DLG2: variants seen among roughly 807,000 people sequenced by gnomAD.
DLG2 encodes the protein discs large MAGUK scaffold protein 2.
DLG2 carries 45 observed loss-of-function variants against 132.5 expected under a neutral mutation model. That is an observed-to-expected ratio of 0.34 (90% CI 0.27 to 0.44). DLG2 has a LOEUF of 0.44. Ranked by LOEUF, DLG2 falls within the 20% of genes least tolerant of loss-of-function variation. The pLI is 1.00. For missense variants in DLG2, 1,045 were observed against 1,196.9 expected (o/e 0.87, Z 1.87); for synonymous variants, 424 against 419.6 (o/e 1.01, Z -0.13).
chr11:84,803,508 A>C (rs2075658711), intron 6 of DLG2, among the ~76,000 whole-genome samples: 1 of 152,214 alleles, frequency 6.6e-6, no homozygotes, highest in South Asian at 2.1e-4. Flanking sequence ...TGATAAGCAC[A>C]ATCCTCCACA....
intron 6 of DLG2, among the ~76,000 whole-genome samples, chr11:84,665,856 T>C (rs1443280979): frequency 1.3e-5 from 2 of 152,174 alleles, no homozygotes; most frequent in Non-Finnish European, 2.9e-5. Context: ...TAGTGACCCA[T>C]TCAATTTGTT....
At chr11:83,767,382 T>A (rs1415951916) in intron 18 of DLG2, among the ~76,000 whole-genome samples, 1 of 152,172 alleles carries the variant, frequency 6.6e-6, no homozygotes, top group Non-Finnish European at 1.5e-5. Flanking sequence ...TTCAATTAGG[T>A]CCTTGTTCTC....
chr11:85,545,781 G>A (rs1231102450), intron 3 of DLG2, among the ~76,000 whole-genome samples: 1 of 152,152 alleles, frequency 6.6e-6, no homozygotes, highest in Non-Finnish European at 1.5e-5. Context: ...TTGCATAGAG[G>A]TGTTTATAGT....
chr11:83,731,445 T>C (rs1388758757), intron 18 of DLG2, among the ~76,000 whole-genome samples: 2 of 152,218 alleles, frequency 1.3e-5, no homozygotes, highest in African/African-American at 2.4e-5. Context: ...GCTTCATCCA[T>C]GTCCCTGCAA....
chr11:85,368,944 T>G (rs1247503633), intron 3 of DLG2, among the ~76,000 whole-genome samples: 6 of 152,204 alleles, frequency 3.9e-5, no homozygotes, highest in Admixed American at 3.9e-4. Context: ...GGAGGTACTC[T>G]GGATTTGCAA....
chr11:85,513,757 T>C (rs2094122846), intron 3 of DLG2, among the ~76,000 whole-genome samples: 1 of 151,968 alleles, frequency 6.6e-6, no homozygotes, highest in African/African-American at 2.4e-5. Context: ...GAAGTATCTT[T>C]TTGTTATTCA....
At chr11:85,361,349 T>C (rs2084140863) in intron 3 of DLG2, among the ~76,000 whole-genome samples, 1 of 151,862 alleles carries the variant, frequency 6.6e-6, no homozygotes, top group Non-Finnish European at 1.5e-5. Context: ...GGGGTACAAG[T>C]GCAGATTTCT....
intron 7 of DLG2, among the ~76,000 whole-genome samples, chr11:84,488,040 A>T (rs2099155388): frequency 1.3e-5 from 2 of 152,178 alleles, no homozygotes; most frequent in Non-Finnish European, 2.9e-5. Context: ...AGCTCAAGAC[A>T]TACTATCTTT....
At chr11:84,733,234 T>G (rs1227736179) in intron 6 of DLG2, among the ~76,000 whole-genome samples, 1 of 152,206 alleles carries the variant, frequency 6.6e-6, no homozygotes, top group Admixed American at 6.5e-5. Context: ...CCACAATGGT[T>G]GAACTAGTTT....
At chr11:85,010,095 G>A (rs2059021406) in intron 6 of DLG2, among the ~76,000 whole-genome samples, 1 of 152,056 alleles carries the variant, frequency 6.6e-6, no homozygotes, top group Admixed American at 6.5e-5. Flanking sequence ...AACCTTTGGA[G>A]GAACGGAGCC....
chr11:83,579,828 G>T (rs953972546), intron 19 of DLG2, among the ~76,000 whole-genome samples: 1 of 151,984 alleles, frequency 6.6e-6, no homozygotes, highest in Non-Finnish European at 1.5e-5. Flanking sequence ...AAATGAGCCA[G>T]GCATGGTGGC....
At chr11:84,909,670 T>C (rs1468451050) in intron 6 of DLG2, among the ~76,000 whole-genome samples, 1 of 152,212 alleles carries the variant, frequency 6.6e-6, no homozygotes, top group Non-Finnish European at 1.5e-5. Flanking sequence ...GTAGTGTCTA[T>C]CTATCCGAAT....
intron 6 of DLG2, among the ~76,000 whole-genome samples, chr11:84,810,306 G>A (rs1330914923): frequency 6.6e-6 from 1 of 152,100 alleles, no homozygotes; most frequent in Non-Finnish European, 1.5e-5. Context: ...GATAGGAAGA[G>A]ATATTTCACC....
At chr11:84,913,907 A>G (rs2092288748) in intron 6 of DLG2, among the ~76,000 whole-genome samples, 1 of 152,214 alleles carries the variant, frequency 6.6e-6, no homozygotes, top group South Asian at 2.1e-4. Flanking sequence ...ACACAAATGC[A>G]AAGGGCTCTT....
intron 9 of DLG2, among the ~76,000 whole-genome samples, chr11:84,106,278 C>G (rs1466999747): frequency 2.0e-5 from 3 of 152,080 alleles, no homozygotes; most frequent in Non-Finnish European, 4.4e-5. Context: ...AAAAAGGTGT[C>G]TTTTCATACA....
chr11:84,759,633 T>G (rs182909665), intron 6 of DLG2, among the ~76,000 whole-genome samples: 47 of 152,292 alleles, frequency 3.1e-4, no homozygotes, highest in African/African-American at 1.1e-3. Context: ...CCTATTTTTA[T>G]GAAATAAAAG....
chr11:83,559,601 C>G (rs1267778651), intron 19 of DLG2, among the ~76,000 whole-genome samples: 2 of 152,164 alleles, frequency 1.3e-5, no homozygotes, highest in African/African-American at 4.8e-5. Context: ...CTCAAATTAA[C>G]AGAATTCCAA....
At chr11:84,267,220 C>A (rs141596432) in intron 7 of DLG2, among the ~76,000 whole-genome samples, 8 of 106,978 alleles carry the variant, frequency 7.5e-5, no homozygotes, top group Non-Finnish European at 1.8e-4. Context: ...GTGATGATTG[C>A]GTACAAAAGT....
intron 18 of DLG2, among the ~76,000 whole-genome samples, chr11:83,774,924 C>T (rs1334067548): frequency 6.6e-6 from 1 of 152,084 alleles, no homozygotes; most frequent in African/African-American, 2.4e-5. Flanking sequence ...GTGGTGAGCC[C>T]TCTGCTTGCC....
Sources: gnomAD v4.1 joint callset for allele counts (sites outside exome capture counted in the v4.1 genomes callset) on GRCh38, gnomAD v4.1.1 for gene constraint, MANE v1.5 for transcripts, NCBI Gene and HGNC (gene_info 2026-07-23, HGNC 2026-07-21) for gene names.